ROBO1: variants seen among roughly 807,000 people sequenced by gnomAD.
ROBO1 encodes roundabout guidance receptor 1.
In ROBO1, 149 loss-of-function variants were observed where a neutral mutation model predicts 195.9. The ratio of observed to expected loss-of-function variants is 0.76; its 90% confidence interval spans 0.67 to 0.87. The LOEUF is 0.87. Among genes scored for constraint, ROBO1 ranks in the 40% least tolerant of loss-of-function variants. ROBO1 has a pLI of 0.00. For missense variants in ROBO1, 1,933 were observed against 2,068.3 expected, an observed-to-expected ratio of 0.93 and a Z score of 1.27; for synonymous variants, 816 against 733.2, an observed-to-expected ratio of 1.11 and a Z score of -1.82.
chr3:78,842,857 G>C (rs1305689483), intron 4 of ROBO1, among the ~76,000 whole-genome samples: 1 of 151,586 alleles, frequency 6.6e-6, no homozygotes, highest in Non-Finnish European at 1.5e-5. Flanking sequence ...GTTAACTCTA[G>C]GAATTTATTT....
intron 1 of ROBO1, among the ~76,000 whole-genome samples, chr3:79,761,977 G>A (rs2107524738): frequency 6.6e-6 from 1 of 152,230 alleles, no homozygotes; most frequent in Middle Eastern, 3.4e-3. Context: ...TCCTGGGACT[G>A]GTGTTTTAAG....
chr3:79,567,392 A>G (rs1328796047), intron 2 of ROBO1, among the ~76,000 whole-genome samples: 3 of 152,206 alleles, frequency 2.0e-5, no homozygotes, highest in Non-Finnish European at 4.4e-5. Flanking sequence ...CTTAAAAGTT[A>G]GAAAAGGAGA....
intron 28 of ROBO1, among the ~76,000 whole-genome samples, chr3:78,610,643 A>G (rs1224513592): frequency 6.6e-6 from 1 of 152,140 alleles, no homozygotes; most frequent in African/African-American, 2.4e-5. Context: ...TTAACATCAT[A>G]CAAAGGCTTG....
chr3:79,628,712 A>G (rs1156410001), intron 1 of ROBO1, among the ~76,000 whole-genome samples: 1 of 152,176 alleles, frequency 6.6e-6, no homozygotes, highest in African/African-American at 2.4e-5. Flanking sequence ...TGGCCAATGG[A>G]ATTAAAAAAC....
At chr3:78,879,510 A>C (rs560235213) in intron 4 of ROBO1, among the ~76,000 whole-genome samples, 14 of 149,176 alleles carry the variant, frequency 9.4e-5, no homozygotes, top group African/African-American at 3.5e-4. Context: ...CATCATTACC[A>C]CATGCTTTCA....
chr3:79,752,037 A>T (rs1483309553), intron 1 of ROBO1, among the ~76,000 whole-genome samples: 1 of 152,140 alleles, frequency 6.6e-6, no homozygotes, highest in Non-Finnish European at 1.5e-5. Flanking sequence ...CCCTTATAGT[A>T]GGGTATTTTT....
chr3:79,277,436 G>C (rs2031132711), intron 2 of ROBO1, among the ~76,000 whole-genome samples: 2 of 152,132 alleles, frequency 1.3e-5, no homozygotes, highest in East Asian at 3.9e-4. Context: ...TTAACTCATG[G>C]AACTAGAGAA....
At chr3:78,773,563 T>TA (rs2083430951) in intron 4 of ROBO1, among the ~76,000 whole-genome samples, 1 of 152,168 alleles carries the variant, frequency 6.6e-6, no homozygotes. Flanking sequence ...TAAAGAAACA[T>TA]ATATCTTCAG....
At chr3:79,236,737 T>C (rs1053027513) in intron 2 of ROBO1, among the ~76,000 whole-genome samples, 4 of 152,212 alleles carry the variant, frequency 2.6e-5, no homozygotes, top group African/African-American at 9.6e-5. Flanking sequence ...TCATTGTTTT[T>C]AGTAACAAAA....
chr3:78,928,930 G>C (rs1560010573), intron 4 of ROBO1, among the ~76,000 whole-genome samples: 1 of 152,082 alleles, frequency 6.6e-6, no homozygotes, highest in African/African-American at 2.4e-5. Context: ...GTATTACCTG[G>C]TAAATATGTA....
At chr3:78,729,561 C>A (rs1030894941) in intron 5 of ROBO1, among the ~76,000 whole-genome samples, 44 of 152,118 alleles carry the variant, frequency 2.9e-4, no homozygotes, top group African/African-American at 1.0e-3. Flanking sequence ...ACCAGGAAAG[C>A]CCCTTCTAAT....
chr3:78,742,737 GTTAT>G (rs927589357), intron 5 of ROBO1, among the ~76,000 whole-genome samples: 3 of 152,104 alleles, frequency 2.0e-5, no homozygotes, highest in African/African-American at 7.2e-5. Context: ...TGATTTAAAA[GTTAT>G]TTATATATTA....
At chr3:79,304,348 G>A (rs1036629560) in intron 2 of ROBO1, among the ~76,000 whole-genome samples, 1 of 152,126 alleles carries the variant, frequency 6.6e-6, no homozygotes, top group East Asian at 1.9e-4. Context: ...CTACCTTTCA[G>A]TTAAAAAAAA....
intron 4 of ROBO1, among the ~76,000 whole-genome samples, chr3:78,845,484 T>G (rs2033599839): frequency 6.6e-6 from 1 of 152,158 alleles, no homozygotes; most frequent in Non-Finnish European, 1.5e-5. Flanking sequence ...ATGTATACAC[T>G]TTAGTGTGTG....
At chr3:78,997,032 A>G (rs1576535927) in intron 3 of ROBO1, among the ~76,000 whole-genome samples, 1 of 152,142 alleles carries the variant, frequency 6.6e-6, no homozygotes, top group African/African-American at 2.4e-5. Context: ...CTGGTCATAA[A>G]TGGGGGATGC....
intron 22 of ROBO1, among the ~76,000 whole-genome samples, chr3:78,637,405 G>A (rs77941060): frequency 0.011 from 1,735 of 151,944 alleles, 13 homozygotes; most frequent in Non-Finnish European, 0.02. Flanking sequence ...ATTTTGTTTC[G>A]CCAATCTGTC....
intron 2 of ROBO1, among the ~76,000 whole-genome samples, chr3:79,457,162 A>G (rs1575850474): frequency 6.6e-6 from 1 of 152,338 alleles, no homozygotes; most frequent in Middle Eastern, 3.4e-3. Context: ...CAAGGCATAC[A>G]ATCACAGAAA....
At chr3:79,752,685 T>G (rs562284723) in intron 1 of ROBO1, among the ~76,000 whole-genome samples, 1 of 151,870 alleles carries the variant, frequency 6.6e-6, no homozygotes, top group Non-Finnish European at 1.5e-5. Context: ...ACTGACAGTA[T>G]AAAACAAAGG....
intron 2 of ROBO1, among the ~76,000 whole-genome samples, chr3:79,128,582 TGTACATCCTATGTCCTCAAATCCATA>T (rs2080261317): frequency 6.6e-6 from 1 of 152,156 alleles, no homozygotes; most frequent in African/African-American, 2.4e-5. Context: ...CAAATGCTAT[TGTACATCCTATGTCCTCAAATCCATA>T]CAAACCAATA....
Sources: gnomAD v4.1 joint callset for allele counts (sites outside exome capture counted in the v4.1 genomes callset) on GRCh38, gnomAD v4.1.1 for gene constraint, MANE v1.5 for transcripts, NCBI Gene and HGNC (gene_info 2026-07-23, HGNC 2026-07-21) for gene names.